C8orf34: variants seen among roughly 807,000 people sequenced by gnomAD.
C8orf34 encodes chromosome 8 open reading frame 34, also known as uncharacterized protein C8orf34.
Under a neutral mutation model 68.3 loss-of-function variants are expected in C8orf34, and 65 were observed. The ratio of observed to expected loss-of-function variants is 0.95; its 90% CI spans 0.78 to 1.17. The LOEUF (loss-of-function observed/expected upper bound fraction) is 1.17. Ranked by LOEUF, C8orf34 falls within the 50% of genes most tolerant of loss-of-function variation. The probability of loss-of-function intolerance (pLI) is 0.00; values close to 1 mark genes in which losing one functional copy is unlikely to be tolerated. For missense variants in C8orf34, 664 were observed against 655.4 expected, an observed-to-expected ratio of 1.01 and a Z score of -0.14; for synonymous variants, 244 against 241.2, an observed-to-expected ratio of 1.01 and a Z score of -0.11.
chr8:68,735,798 T>C (rs1822106087), intron 10 of C8orf34, among the ~76,000 whole-genome samples: 1 of 152,238 alleles, frequency 6.6e-6, no homozygotes, highest in Admixed American at 6.5e-5. Flanking sequence ...ATTCTTTTAA[T>C]GAACATTAAA....
intron 1 of C8orf34, among the ~76,000 whole-genome samples, chr8:68,372,784 ATGT>A (rs1807618017): frequency 6.6e-6 from 1 of 151,960 alleles, no homozygotes; most frequent in South Asian, 2.1e-4. Flanking sequence ...CCAGTGTGTG[ATGT>A]TCCCCTCCCT....
intron 1 of C8orf34, among the ~76,000 whole-genome samples, chr8:68,404,222 C>T (rs4285469): frequency 0.64 from 96,565 of 151,922 alleles, 30,742 homozygotes; most frequent in African/African-American, 0.69. Flanking sequence ...TTGATAGGGT[C>T]GTTTGTTTTT....
chr8:68,436,954 C>T (rs1430040181), intron 1 of C8orf34, among the ~76,000 whole-genome samples: 1 of 152,170 alleles, frequency 6.6e-6, no homozygotes, highest in African/African-American at 2.4e-5. Flanking sequence ...TCCTCAGAAT[C>T]ATTCAAGTCC....
At chr8:68,784,802 A>ATGTGTGTGTGTGTATG (rs1554613503) in intron 11 of C8orf34, among the ~76,000 whole-genome samples, 7 of 144,400 alleles carry the variant, frequency 4.8e-5, no homozygotes, top group African/African-American at 7.7e-5. Flanking sequence ...ATGTGTGTGT[A>ATGTGTGTGTGTGTATG]TGTGTGTGTG....
At chr8:68,679,570 A>C (rs1820301483) in intron 8 of C8orf34, among the ~76,000 whole-genome samples, 2 of 152,170 alleles carry the variant, frequency 1.3e-5, no homozygotes, top group Non-Finnish European at 2.9e-5. Flanking sequence ...ATAGAAAAAA[A>C]CCACTATCTT....
intron 12 of C8orf34, among the ~76,000 whole-genome samples, chr8:68,815,607 T>A (rs1204476994): frequency 1.3e-5 from 2 of 152,112 alleles, no homozygotes; most frequent in Non-Finnish European, 2.9e-5. Context: ...ACAGACTACA[T>A]ACATATCCAG....
chr8:68,374,553 G>C (rs920157898), intron 1 of C8orf34, among the ~76,000 whole-genome samples: 1 of 152,066 alleles, frequency 6.6e-6, no homozygotes, highest in African/African-American at 2.4e-5. Flanking sequence ...ATTATTCAAC[G>C]CAAGCTTTGA....
intron 7 of C8orf34, among the ~76,000 whole-genome samples, chr8:68,623,731 T>C (rs763916597): frequency 6.6e-6 from 1 of 151,870 alleles, no homozygotes; most frequent in Non-Finnish European, 1.5e-5. Context: ...TTTTAATCCT[T>C]GGGTGGCAGA....
chr8:68,361,556 G>T (rs1807000133), intron 1 of C8orf34, among the ~76,000 whole-genome samples: 1 of 152,152 alleles, frequency 6.6e-6, no homozygotes, highest in Non-Finnish European at 1.5e-5. Flanking sequence ...TTCATGTTTT[G>T]CCTGTTGAAT....
At chr8:68,387,666 G>A (rs1808316108) in intron 1 of C8orf34, among the ~76,000 whole-genome samples, 1 of 151,986 alleles carries the variant, frequency 6.6e-6, no homozygotes, top group African/African-American at 2.4e-5. Context: ...AGCACTGTGT[G>A]TCTGAAAAAA....
intron 7 of C8orf34, among the ~76,000 whole-genome samples, chr8:68,593,329 T>C (rs1321113316): frequency 6.6e-6 from 1 of 152,112 alleles, no homozygotes; most frequent in East Asian, 1.9e-4. Context: ...ATGTGAAAGA[T>C]TGTACATTTG....
chr8:68,809,379 T>G (rs1420874408), intron 12 of C8orf34, among the ~76,000 whole-genome samples: 2 of 152,182 alleles, frequency 1.3e-5, no homozygotes, highest in Non-Finnish European at 2.9e-5. Context: ...GGGGAAAGGT[T>G]TTATAGTCCT....
In C8orf34 at chr8:68,815,884, A is replaced by G. The variant is rs368828109; in HGVS notation, c.1550-2A>G. ...ATTATCTCTGTTTCTTTTGTTGTGC[A>G]GGTTCCGCTGATCTTCTTCTTTGCG... is the stretch of plus-strand genomic sequence containing the variant. On this transcript the variant is annotated splice_acceptor_variant, in intron 12 of 13. Coordinates refer to ENST00000518698, the MANE Select transcript of C8orf34 (RefSeq NM_052958.4). LOFTEE classifies it high-confidence loss of function. 5.8e-5 allele frequency: 93 copies of G among 1,613,618 alleles called. No homozygotes were observed. Among genetic ancestry groups the G allele is most frequent in the Admixed American group, 6.7e-5 (4 of 59,984 alleles).
intron 12 of C8orf34, chr8:68,792,571 C>CAAAAAAAA (rs1162293308): frequency 5.9e-4 from 25 of 42,302 alleles, no homozygotes; most frequent in Non-Finnish European, 8.4e-4. Flanking sequence ...GACTCCATCT[C>CAAAAAAAA]AAAAAAAAAA....
intron 7 of C8orf34, among the ~76,000 whole-genome samples, chr8:68,567,159 G>T (rs974915151): frequency 5.3e-5 from 8 of 152,120 alleles, no homozygotes; most frequent in African/African-American, 1.9e-4. Context: ...TTTAGGGAGG[G>T]TTCCCTCTTT....
At position 68,331,783 on chromosome 8, in the gene C8orf34, CTTTTTTTT is replaced by C. The variant is rs552564162; in HGVS notation, c.327+466_327+473del. Reference sequence around the variant, plus strand: ...CTTTTTTCTTTTCTTTTCTTTCCTTCTTTTTTTTTTTTTTTTTTTTTTTTTTTTTAATG... The same window carrying C: ...CTTTTTTCTTTTCTTTTCTTTCCTTCTTTTTTTTTTTTTTTTTTTTTAATG... On this transcript the variant is annotated intron_variant, in intron 1 of 13. Coordinates refer to ENST00000518698, the MANE Select transcript of C8orf34 (RefSeq NM_052958.4). Among the ~76,000 whole-genome samples, 114 of 29,518 alleles carry C rather than the reference CTTTTTTTT, an allele frequency of 3.9e-3. 2 individuals are homozygous for C. In the East Asian group the frequency reaches 0.045, roughly 12 times the overall value. The allele number at this position is 29,518 out of a possible 152,430, so 19.4% of individuals were successfully genotyped here. A position where few individuals can be genotyped will look rare whatever the true frequency, so the allele number is the denominator to read the frequency against.
chr8:68,470,813 G>A (rs987401978), intron 4 of C8orf34, among the ~76,000 whole-genome samples: 2 of 152,054 alleles, frequency 1.3e-5, no homozygotes, highest in African/African-American at 4.8e-5. Flanking sequence ...TCCCAATCAT[G>A]AGAAAGGAGC....
chr8:68,656,703 C>T (rs937527385), intron 8 of C8orf34, among the ~76,000 whole-genome samples: 5 of 152,174 alleles, frequency 3.3e-5, no homozygotes, highest in Admixed American at 1.3e-4. Context: ...CACCTTTCCT[C>T]CTCCTCTCAC....
chr8:68,595,561 A>T (rs900734534), intron 7 of C8orf34, among the ~76,000 whole-genome samples: 16 of 151,858 alleles, frequency 1.1e-4, no homozygotes, highest in Non-Finnish European at 8.8e-5. Flanking sequence ...TGTGGGGGGA[A>T]TTTCTTTCTT....
Sources: allele counts gnomAD v4.1 joint callset (sites outside exome capture counted in the v4.1 genomes callset), GRCh38; gene constraint gnomAD v4.1.1; transcripts MANE v1.5; gene names NCBI Gene and HGNC (gene_info 2026-07-23, HGNC 2026-07-21).